TBC1D16: variants seen among roughly 807,000 people sequenced by gnomAD.
The protein encoded by TBC1D16 is TBC1 domain family member 16.
A neutral mutation model predicts 74.7 loss-of-function variants in TBC1D16; 58 were observed. The observed-to-expected ratio is 0.78, with a 90% confidence interval of 0.63 to 0.97. The LOEUF (loss-of-function observed/expected upper bound fraction) is 0.97. Among genes scored for constraint, TBC1D16 ranks in the 50% least tolerant of loss-of-function variants. The pLI is 0.00. For missense variants in TBC1D16, 1,014 were observed against 1,079.5 expected, an observed-to-expected ratio of 0.94 and a Z score of 0.85; for synonymous variants, 493 against 474.7, an observed-to-expected ratio of 1.04 and a Z score of -0.50.
intron 3 of TBC1D16, among the ~76,000 whole-genome samples, chr17:79,977,129 G>A (rs1474438149): frequency 6.6e-6 from 1 of 152,174 alleles, no homozygotes; most frequent in Non-Finnish European, 1.5e-5. Flanking sequence ...ATCCTACTTT[G>A]CCTGGGTCAT....
At position 79,941,372 on chromosome 17, in the gene TBC1D16, T is replaced by TG. The variant is rs1166622372; in HGVS notation, c.2056-266dup. Among the ~76,000 whole-genome samples the TG allele has an allele frequency of 6.6e-6, 1 of 152,154 alleles. No individual in the cohort carries two copies. Among genetic ancestry groups the TG allele is most frequent in the Non-Finnish European group, 1.5e-5 (1 of 68,014 alleles). On this transcript the variant is annotated intron_variant, in intron 11 of 11. Transcript: ENST00000310924. This position sits in a 1 kb window ranked among gnomAD's most constrained non-coding sequence, Gnocchi z 4.3. ...GCTCGAGGTGAACAAGGCCCTTGAA[T>TG]GGGCTTCATTCAGGAGGGTGAACAG...
At chr17:79,968,038 G>T (rs966659087) in intron 3 of TBC1D16, among the ~76,000 whole-genome samples, 9 of 152,186 alleles carry the variant, frequency 5.9e-5, no homozygotes, top group South Asian at 2.1e-4. Flanking sequence ...TGTCACTCAG[G>T]CTACAGTGCA....
At chr17:79,958,765 A>G (rs184838291) in intron 3 of TBC1D16, among the ~76,000 whole-genome samples, 2 of 152,348 alleles carry the variant, frequency 1.3e-5, no homozygotes, top group Admixed American at 1.3e-4. Context: ...AAAGGCACCC[A>G]CAGATATTCC....
Position 79,942,328 on chromosome 17 carries a change from C to T in TBC1D16, c.1909-122G>A, listed in dbSNP as rs1019691265. 1.9e-5 allele frequency: 21 copies of T among 1,130,974 alleles called. No individual in the cohort carries two copies. In the African/African-American group the frequency reaches 3.0e-4, roughly 16 times the overall value. The allele number at this position is 1,130,974 out of a possible 1,614,324, so 70.1% of individuals were successfully genotyped here. On this transcript the variant is annotated intron_variant, in intron 10 of 11. Transcript: ENST00000310924. ...AGGGCGAGGGGTCTGGGCTCACAGC[C>T]CAGCTCGGGGGCCGTGTGGCCCTGG... is the stretch of plus-strand genomic sequence containing the variant.
intron 3 of TBC1D16, among the ~76,000 whole-genome samples, chr17:79,991,253 A>G (rs748452392): frequency 1.5e-4 from 23 of 152,336 alleles, no homozygotes; most frequent in Non-Finnish European, 2.9e-4. Context: ...AGCAGGCTGC[A>G]TCTGGCTGTG....
chr17:79,970,724 TG>T (rs961349184), intron 3 of TBC1D16, among the ~76,000 whole-genome samples: 1 of 152,076 alleles, frequency 6.6e-6, no homozygotes, highest in African/African-American at 2.4e-5. Context: ...GAGGTGGACC[TG>T]GGGGTCCTCA....
At position 79,986,993 on chromosome 17, in the gene TBC1D16, C is replaced by T. The variant is rs2034866102; in HGVS notation, c.779+23167G>A. Reference sequence around the variant, plus strand: ...AATCCATCTGGGATATGTTTTGTTTCCACAGAGGGACCCTGAATTTTGAGG... The same window carrying T: ...AATCCATCTGGGATATGTTTTGTTTTCACAGAGGGACCCTGAATTTTGAGG... On this transcript the variant is annotated intron_variant, in intron 3 of 11. Transcript: ENST00000310924. The surrounding 1 kb of genome is among the most constrained non-coding windows in gnomAD (Gnocchi z 6.0). Among the ~76,000 whole-genome samples, 1 of 152,240 alleles carries T rather than the reference C, an allele frequency of 6.6e-6. No individual in the cohort carries two copies. Among genetic ancestry groups the T allele is most frequent in the Admixed American group, 6.5e-5 (1 of 15,288 alleles).
intron 3 of TBC1D16, among the ~76,000 whole-genome samples, chr17:79,972,504 A>T (rs2034154662): frequency 6.6e-6 from 1 of 152,208 alleles, no homozygotes; most frequent in South Asian, 2.1e-4. Context: ...ATTCTGACAC[A>T]GGCTACAGCA....
chr17:79,936,044 G>T lies in TBC1D16; in HGVS notation c.*4815C>A, dbSNP rs1239367910. The T allele has an allele frequency of 6.6e-6, 1 of 152,216 alleles. No individual in the cohort carries two copies. Among genetic ancestry groups the T allele is most frequent in the Non-Finnish European group, 1.5e-5 (1 of 68,054 alleles). 9.4% of individuals were successfully genotyped at this position (152,216 alleles called of 1,614,324 possible). The stretch of plus-strand genomic sequence containing the variant: ...GGGACACCCCTCTCCTGGTTCTAAT[G>T]CTCAGACCCAGGAGGCAGAGTCCGC... On this transcript the variant is annotated 3_prime_UTR_variant, in exon 12 of 12. Transcript: ENST00000310924.
In TBC1D16 at chr17:80,010,144, A is replaced by G. The variant is rs2035821240; in HGVS notation, c.779+16T>C. On this transcript the variant is annotated intron_variant, in intron 3 of 11. Transcript: ENST00000310924. The surrounding 1 kb of genome is among the most constrained non-coding windows in gnomAD (Gnocchi z 8.8). Reference sequence around the variant, plus strand: ...GGGGGCCTCCCGAGAGCCCACGCCCAGAACCAGGAACTCACCTGCTGTCAC... The same window carrying G: ...GGGGGCCTCCCGAGAGCCCACGCCCGGAACCAGGAACTCACCTGCTGTCAC... The G allele has an allele frequency of 1.3e-6, 2 of 1,596,934 alleles. No homozygotes were observed. The highest frequency in any genetic ancestry group is 2.7e-5 in the African/African-American group (2 of 74,640).
At chr17:79,949,986 T>G (rs2032912226) in intron 6 of TBC1D16, 121 bp from the exon 7 acceptor site, 1 of 1,248,100 alleles carries the variant, frequency 8.0e-7, no homozygotes, top group Non-Finnish European at 1.1e-6. Flanking sequence ...CTCTGCAATT[T>G]GCACATATTT....
At chr17:80,027,338 T>A (rs777770158) in intron 1 of TBC1D16, among the ~76,000 whole-genome samples, 8 of 152,150 alleles carry the variant, frequency 5.3e-5, no homozygotes, top group Non-Finnish European at 1.2e-4. Context: ...GGCATGTGCC[T>A]ATAGTCCCAG....
chr17:79,984,136 C>T lies in TBC1D16; in HGVS notation c.779+26024G>A, dbSNP rs902282020. Among the ~76,000 whole-genome samples, 3 of 152,188 alleles carry T rather than the reference C, an allele frequency of 2.0e-5. No homozygotes were observed. In the East Asian group the frequency reaches 5.8e-4, roughly 29 times the overall value. On this transcript the variant is annotated intron_variant, in intron 3 of 11. Coordinates refer to ENST00000310924, the MANE Select transcript of TBC1D16 (RefSeq NM_019020.4). ...CCCAGACTCAAGCCCATCCTCTTGC[C>T]TCAGCCTCCCAAGTAGCTGGGACCA...
chr17:79,960,802 A>AAC (rs2033571570), intron 3 of TBC1D16, among the ~76,000 whole-genome samples: 1 of 148,636 alleles, frequency 6.7e-6, no homozygotes, highest in East Asian at 1.9e-4. Flanking sequence ...AAAAAAAAAA[A>AAC]AAAAAAACGA....
chr17:79,986,404 C>G lies in TBC1D16; in HGVS notation c.779+23756G>C, dbSNP rs1424395358. Among the ~76,000 whole-genome samples the G allele has an allele frequency of 6.6e-6, 1 of 152,194 alleles. No homozygotes were observed. The highest frequency in any genetic ancestry group is 1.5e-5 in the Non-Finnish European group (1 of 68,038). On this transcript the variant is annotated intron_variant, in intron 3 of 11. Coordinates refer to ENST00000310924, the MANE Select transcript of TBC1D16 (RefSeq NM_019020.4). The surrounding 1 kb of genome is among the most constrained non-coding windows in gnomAD (Gnocchi z 6.0). ...ATGTGCAGCGTTTCAAAGCAAAGCT[C>G]AAGAGTGGATTCCTCAGTGCAGTAT...
rs942428154 is a variant in TBC1D16 at position 80,000,754 on chromosome 17, C to T, written c.779+9406G>A. Among the ~76,000 whole-genome samples the T allele has an allele frequency of 1.3e-5, 2 of 152,186 alleles. No individual in the cohort carries two copies. The highest frequency in any genetic ancestry group is 4.8e-5 in the African/African-American group (2 of 41,442). The stretch of plus-strand genomic sequence containing the variant: ...CCTTCCTGAACCCCCACAATGCCCC[C>T]ACTTCACAGAGGAGTAAACTGAGGT... On this transcript the variant is annotated intron_variant, in intron 3 of 11. Coordinates refer to ENST00000310924, the MANE Select transcript of TBC1D16 (RefSeq NM_019020.4). The surrounding 1 kb of genome is among the most constrained non-coding windows in gnomAD (Gnocchi z 4.1).
rs566978385 is a variant in TBC1D16 at position 80,007,604 on chromosome 17, T to A, written c.779+2556A>T. On this transcript the variant is annotated intron_variant, in intron 3 of 11. Transcript: ENST00000310924. The surrounding 1 kb of genome is among the most constrained non-coding windows in gnomAD (Gnocchi z 4.5). ...GGGGAGGGCCCTCCTCAGCCCAGGG[T>A]TCGGGGGAATAGAGAAGCCTCCCCC... Among the ~76,000 whole-genome samples the A allele has an allele frequency of 6.6e-6, 1 of 151,694 alleles. No homozygotes were observed. The highest frequency in any genetic ancestry group is 1.9e-4 in the East Asian group (1 of 5,150).
In TBC1D16 at chr17:79,994,626, G is replaced by A. The variant is rs1438334247; in HGVS notation, c.779+15534C>T. 6.6e-6 allele frequency among the ~76,000 whole-genome samples: 1 copy of A among 152,124 alleles called. No homozygotes were observed. The highest frequency in any genetic ancestry group is 2.4e-5 in the African/African-American group (1 of 41,420). On this transcript the variant is annotated intron_variant, in intron 3 of 11. Transcript: ENST00000310924. This position sits in a 1 kb window ranked among gnomAD's most constrained non-coding sequence, Gnocchi z 4.6. ...TTTAATAGAGACAGGGTTTCACCAT[G>A]TTGGCCAGGCTTGTCTTGAACTCCT...
Position 80,007,803 on chromosome 17 carries a change from G to A in TBC1D16, c.779+2357C>T. Among the ~76,000 whole-genome samples the A allele has an allele frequency of 6.6e-6, 1 of 152,132 alleles. No homozygotes were observed. The highest frequency in any genetic ancestry group is 1.9e-4 in the East Asian group (1 of 5,188). On this transcript the variant is annotated intron_variant, in intron 3 of 11. Transcript: ENST00000310924. This position sits in a 1 kb window ranked among gnomAD's most constrained non-coding sequence, Gnocchi z 4.5. ...CAGAGAGGACGACGAACTTGGAGGT[G>A]TGCACAGTGGGGGGTGGGGAGGCAG... is the stretch of plus-strand genomic sequence containing the variant.
Sources: gnomAD v4.1 joint callset for allele counts (sites outside exome capture counted in the v4.1 genomes callset) on GRCh38, gnomAD v4.1.1 for gene constraint, Gnocchi (gnomAD v3.1) non-coding constraint, MANE v1.5 for transcripts, NCBI Gene and HGNC (gene_info 2026-07-23, HGNC 2026-07-21) for gene names.